The following AGBL4 variants were observed in gnomAD, a reference collection of about 807,000 sequenced individuals.
AGBL4 encodes cytosolic carboxypeptidase 6.
In AGBL4, 58 loss-of-function variants were observed where a neutral mutation model predicts 66.4. The observed-to-expected ratio is 0.87, with a 90% CI of 0.71 to 1.09. The LOEUF (loss-of-function observed/expected upper bound fraction) is 1.09. Ranked by LOEUF, AGBL4 falls within the 50% of genes least tolerant of loss-of-function variation. The probability of loss-of-function intolerance (pLI) is 0.00; values close to 1 mark genes in which losing one functional copy is unlikely to be tolerated. For missense variants in AGBL4, 579 were observed against 631.0 expected (o/e 0.92, Z 0.88); for synonymous variants, 234 against 222.9 (o/e 1.05, Z -0.44).
intron 3 of AGBL4, among the ~76,000 whole-genome samples, chr1:49,551,243 C>G (rs1452527422): frequency 6.6e-6 from 1 of 152,148 alleles, no homozygotes. Context: ...TTGCCTTTCT[C>G]TGGTGCATCC....
intron 3 of AGBL4, among the ~76,000 whole-genome samples, chr1:49,476,269 G>A (rs1372562185): frequency 6.6e-6 from 1 of 151,852 alleles, no homozygotes; most frequent in Non-Finnish European, 1.5e-5. Flanking sequence ...TTATTCCATT[G>A]TATGCTTAGT....
intron 6 of AGBL4, among the ~76,000 whole-genome samples, chr1:48,703,151 C>A (rs796912657): frequency 3.3e-5 from 5 of 152,026 alleles, no homozygotes. Context: ...GAAAGAAAAT[C>A]GAGAATGCTT....
chr1:48,717,970 G>C (rs946016975), intron 6 of AGBL4, among the ~76,000 whole-genome samples: 1 of 152,186 alleles, frequency 6.6e-6, no homozygotes, highest in Admixed American at 6.5e-5. Context: ...TGACATACAG[G>C]AGTTCCACAA....
At chr1:49,409,694 TAAA>T (rs1645278013) in intron 3 of AGBL4, among the ~76,000 whole-genome samples, 1 of 152,220 alleles carries the variant, frequency 6.6e-6, no homozygotes, top group Non-Finnish European at 1.5e-5. Flanking sequence ...ATTTAATTGT[TAAA>T]AGACATTATT....
intron 3 of AGBL4, among the ~76,000 whole-genome samples, chr1:49,570,947 G>A (rs1295625840): frequency 6.6e-6 from 1 of 151,912 alleles, no homozygotes; most frequent in Admixed American, 6.6e-5. Context: ...TGATCTATGT[G>A]TCTGTTTTTA....
chr1:49,931,404 C>T (rs1653342164), intron 1 of AGBL4, among the ~76,000 whole-genome samples: 1 of 151,996 alleles, frequency 6.6e-6, no homozygotes, highest in Non-Finnish European at 1.5e-5. Context: ...TTCTGAATGG[C>T]TTGGGAGGCC....
chr1:49,936,118 T>C (rs1378682857), intron 1 of AGBL4, among the ~76,000 whole-genome samples: 2 of 152,056 alleles, frequency 1.3e-5, no homozygotes, highest in Admixed American at 1.3e-4. Flanking sequence ...ATAACTAGAA[T>C]AACCAATATA....
In AGBL4 at chr1:48,532,960, C is replaced by T. The variant is rs929864352; in HGVS notation, c.*1213G>A. 2.6e-5 allele frequency: 4 copies of T among 152,232 alleles called. No homozygotes were observed. The highest frequency in any genetic ancestry group is 9.7e-5 in the African/African-American group (4 of 41,444). The allele number at this position is 152,232 out of a possible 1,614,324, so 9.4% of individuals were successfully genotyped here. ...CAATCAACATATGGCTCTTTGTCATCATTTCTGAAAACTAGCATGCAAAGG... is the reference window on the plus strand; with the variant it reads ...CAATCAACATATGGCTCTTTGTCATTATTTCTGAAAACTAGCATGCAAAGG... On this transcript the variant is annotated 3_prime_UTR_variant, in exon 14 of 14. Coordinates refer to ENST00000371839, the MANE Select transcript of AGBL4 (RefSeq NM_032785.4).
chr1:48,743,055 C>A (rs769807122), intron 6 of AGBL4, among the ~76,000 whole-genome samples: 1 of 152,192 alleles, frequency 6.6e-6, no homozygotes, highest in Non-Finnish European at 1.5e-5. Flanking sequence ...AGGGATTCAA[C>A]TTCCTGCATA....
rs1013204709 is a variant in AGBL4 at position 48,736,709 on chromosome 1, T to A, written c.635-73468A>T. On this transcript the variant is annotated intron_variant, in intron 6 of 13. Coordinates refer to ENST00000371839, the MANE Select transcript of AGBL4 (RefSeq NM_032785.4). This position sits in a 1 kb window ranked among gnomAD's most constrained non-coding sequence, Gnocchi z 4.0. ...TGGATAGAAGGCATTATAACACCAT[T>A]TTCCTTTCAGATGGAAACACCGGTT... 6.6e-6 allele frequency among the ~76,000 whole-genome samples: 1 copy of A among 152,184 alleles called. No homozygotes were observed. Among genetic ancestry groups the A allele is most frequent in the African/African-American group, 2.4e-5 (1 of 41,438 alleles).
At chr1:48,786,702 C>G (rs1387558650) in intron 6 of AGBL4, among the ~76,000 whole-genome samples, 1 of 152,178 alleles carries the variant, frequency 6.6e-6, no homozygotes, top group Non-Finnish European at 1.5e-5. Flanking sequence ...AGGTTACCAA[C>G]TGTTGAAGCA....
chr1:49,622,443 A>C (rs919414991), intron 3 of AGBL4, among the ~76,000 whole-genome samples: 1 of 151,130 alleles, frequency 6.6e-6, no homozygotes, highest in African/African-American at 2.4e-5. Flanking sequence ...TCCCGGCTAA[A>C]ACGGTGAAAC....
At chr1:48,578,099 C>A (rs1644682518) in intron 11 of AGBL4, among the ~76,000 whole-genome samples, 1 of 152,076 alleles carries the variant, frequency 6.6e-6, no homozygotes, top group South Asian at 2.1e-4. Flanking sequence ...TCAAATGATT[C>A]TCTATGTATC....
At chr1:49,152,346 A>G (rs903951229) in intron 4 of AGBL4, among the ~76,000 whole-genome samples, 1 of 151,978 alleles carries the variant, frequency 6.6e-6, no homozygotes, top group African/African-American at 2.4e-5. Context: ...CCTTCTTCAA[A>G]CATCCTGAGT....
At chr1:49,099,989 G>A (rs1233967110) in intron 4 of AGBL4, among the ~76,000 whole-genome samples, 1 of 152,064 alleles carries the variant, frequency 6.6e-6, no homozygotes. Context: ...ACAGTCCAGG[G>A]TCTGTCAGTC....
chr1:50,012,013 G>C (rs12042172), intron 1 of AGBL4, among the ~76,000 whole-genome samples: 1 of 151,990 alleles, frequency 6.6e-6, no homozygotes, highest in East Asian at 1.9e-4. Context: ...CAAAAAATTA[G>C]CCGGGCGCGG....
At chr1:49,257,365 C>G (rs940145180) in intron 3 of AGBL4, 2 of 158,620 alleles carry the variant, frequency 1.3e-5, no homozygotes, top group African/African-American at 4.8e-5. Flanking sequence ...GTAAGCGAGC[C>G]TCAGCAATGG....
At chr1:48,599,042 T>A (rs1354258989) in intron 9 of AGBL4, among the ~76,000 whole-genome samples, 3 of 151,936 alleles carry the variant, frequency 2.0e-5, no homozygotes, top group Non-Finnish European at 4.4e-5. Flanking sequence ...AACACAAACA[T>A]GAGCCGAGAG....
At chr1:49,542,523 G>A (rs1652128887) in intron 3 of AGBL4, among the ~76,000 whole-genome samples, 1 of 152,116 alleles carries the variant, frequency 6.6e-6, no homozygotes, top group Non-Finnish European at 1.5e-5. Flanking sequence ...TGAAGTCAAT[G>A]AGACCAAGAA....
Sources: gnomAD v4.1 joint callset for allele counts (sites outside exome capture counted in the v4.1 genomes callset) on GRCh38, gnomAD v4.1.1 for gene constraint, Gnocchi (gnomAD v3.1) non-coding constraint, MANE v1.5 for transcripts, NCBI Gene and HGNC (gene_info 2026-07-23, HGNC 2026-07-21) for gene names.